KIF26B: variants seen among roughly 807,000 people sequenced by gnomAD.
KIF26B encodes kinesin family member 26B.
KIF26B carries 63 observed loss-of-function variants against 151.2 expected under a neutral mutation model. The observed-to-expected ratio is 0.42, with a 90% confidence interval of 0.34 to 0.51. The LOEUF (loss-of-function observed/expected upper bound fraction) is 0.51, where lower values mean the gene tolerates loss of function less well. Ranked by LOEUF, KIF26B falls within the 20% of genes least tolerant of loss-of-function variation. The pLI, the probability that KIF26B is intolerant of heterozygous loss-of-function variation, is 0.07. For missense variants in KIF26B, 2,813 were observed against 2,913.6 expected (o/e 0.97, Z 0.79); for synonymous variants, 1,357 against 1,262.1 (o/e 1.08, Z -1.59).
intron 2 of KIF26B, among the ~76,000 whole-genome samples, chr1:245,214,755 G>A (rs111861120): frequency 6.2e-4 from 95 of 152,154 alleles, no homozygotes; most frequent in Non-Finnish European, 9.0e-4. Context: ...CAGGAGAATC[G>A]CTTGAACCCA....
chr1:245,231,675 A>G (rs1303740582), intron 2 of KIF26B, among the ~76,000 whole-genome samples: 1 of 152,016 alleles, frequency 6.6e-6, no homozygotes, highest in East Asian at 1.9e-4. Context: ...GATGAGGGAG[A>G]AGGAGGAGGA....
intron 2 of KIF26B, among the ~76,000 whole-genome samples, chr1:245,171,936 A>G (rs1293797865): frequency 6.6e-6 from 1 of 152,232 alleles, no homozygotes; most frequent in African/African-American, 2.4e-5. Flanking sequence ...GTCATTCATT[A>G]AATGTGAGTA....
rs892834816 is a variant in KIF26B, at chr1:245,540,319, G to A, written c.1167-448G>A. On this transcript the variant is annotated intron_variant, in intron 4 of 14. Coordinates refer to ENST00000407071, the MANE Select transcript of KIF26B (RefSeq NM_018012.4). The surrounding 1 kb of genome is among the most constrained non-coding windows in gnomAD (Gnocchi z 4.6). ...CCCTGTACATAGCATGCCTTGACTG[G>A]TCTCCACATCGTTCTTCATCAGACT... Among the ~76,000 whole-genome samples, 3 of 152,118 alleles carry A rather than the reference G, an allele frequency of 2.0e-5. No individual in the cohort carries two copies. The highest frequency in any genetic ancestry group is 4.4e-5 in the Non-Finnish European group (3 of 68,038).
rs2042984269 is a variant in KIF26B, at chr1:245,564,157, C to G, written c.1350+23207C>G. 6.6e-6 allele frequency among the ~76,000 whole-genome samples: 1 copy of G among 152,118 alleles called. No individual in the cohort carries two copies. Among genetic ancestry groups the G allele is most frequent in the Non-Finnish European group, 1.5e-5 (1 of 68,024 alleles). Reference sequence around the variant, plus strand: ...CCCTGTGTTGCAGCCACACTGAAGCCTCAATGTCCCCTAAACATTCCAGAC... The same window carrying G: ...CCCTGTGTTGCAGCCACACTGAAGCGTCAATGTCCCCTAAACATTCCAGAC... On this transcript the variant is annotated intron_variant, in intron 5 of 14. Transcript: ENST00000407071. This position sits in a 1 kb window ranked among gnomAD's most constrained non-coding sequence, Gnocchi z 4.6.
chr1:245,423,162 G>A lies in KIF26B; in HGVS notation c.1166+3417G>A, dbSNP rs184549662. 1.1e-4 allele frequency among the ~76,000 whole-genome samples: 17 copies of A among 151,658 alleles called. No individual in the cohort carries two copies. The East Asian group carries it at 1.9e-3, about 17-fold the overall frequency. The stretch of plus-strand genomic sequence containing the variant: ...CAACAGCTATGCTGGGGGCCATTTC[G>A]TTTTATATGGGAGGGATGGCATTTG... On this transcript the variant is annotated intron_variant, in intron 4 of 14. Transcript: ENST00000407071.
chr1:245,409,640 G>A (rs1572047978), intron 3 of KIF26B, among the ~76,000 whole-genome samples: 1 of 152,196 alleles, frequency 6.6e-6, no homozygotes, highest in East Asian at 1.9e-4. Flanking sequence ...AAAATTTATA[G>A]CCAAAGCAAG....
chr1:245,548,453 G>A (rs60135120), intron 5 of KIF26B, among the ~76,000 whole-genome samples: 4,462 of 152,252 alleles, frequency 0.029, 248 homozygotes, highest in African/African-American at 0.1. Flanking sequence ...CAGGGTGCGA[G>A]TTGTCCCAGG....
In KIF26B at chr1:245,540,528, G is replaced by C; in HGVS notation, c.1167-239G>C. ...TAACACATCATTCTTTGTAAATCGT[G>C]ATTGCAGAATCCTGCTATTTTATGG... On this transcript the variant is annotated intron_variant, in intron 4 of 14. Coordinates refer to ENST00000407071, the MANE Select transcript of KIF26B (RefSeq NM_018012.4). The surrounding 1 kb of genome is among the most constrained non-coding windows in gnomAD (Gnocchi z 4.6). 1 of 691,382 alleles carries C rather than the reference G, an allele frequency of 1.4e-6. No individual in the cohort carries two copies. The highest frequency in any genetic ancestry group is 1.5e-5 in the South Asian group (1 of 66,696). 42.8% of individuals were successfully genotyped at this position (691,382 alleles called of 1,614,324 possible). A position where few individuals can be genotyped will look rare whatever the true frequency, so the allele number is the denominator to read the frequency against.
Position 245,362,779 on chromosome 1 carries a change from C to T in KIF26B, c.466-4055C>T, listed in dbSNP as rs190361775. ...GTGAGCCACGGTGCTCCACCACCTACGTGTCTTCTTGTATTCCTCTTCATG... is the reference window on the plus strand; with the variant it reads ...GTGAGCCACGGTGCTCCACCACCTATGTGTCTTCTTGTATTCCTCTTCATG... On this transcript the variant is annotated intron_variant, in intron 2 of 14. Coordinates refer to ENST00000407071, the MANE Select transcript of KIF26B (RefSeq NM_018012.4). Among the ~76,000 whole-genome samples, 10 of 152,126 alleles carry T rather than the reference C, an allele frequency of 6.6e-5. 1 individual carries two copies. The highest frequency in any genetic ancestry group is 3.3e-4 in the Admixed American group (5 of 15,274).
intron 4 of KIF26B, among the ~76,000 whole-genome samples, chr1:245,441,958 G>A (rs918194995): frequency 6.6e-6 from 1 of 152,218 alleles, no homozygotes; most frequent in African/African-American, 2.4e-5. Context: ...TACTGCAGAG[G>A]CATCTGGCCC....
At chr1:245,278,601 A>G (rs1376646859) in intron 2 of KIF26B, among the ~76,000 whole-genome samples, 1 of 152,144 alleles carries the variant, frequency 6.6e-6, no homozygotes, top group African/African-American at 2.4e-5. Context: ...AATTTGTTAG[A>G]AGGAAAGATG....
intron 12 of KIF26B, among the ~76,000 whole-genome samples, chr1:245,691,808 A>G (rs2044629375): frequency 6.6e-6 from 1 of 152,212 alleles, no homozygotes; most frequent in South Asian, 2.1e-4. Context: ...AACAGCAGAA[A>G]CGACCAAATA....
chr1:245,654,905 G>A (rs748531073), intron 10 of KIF26B, among the ~76,000 whole-genome samples: 1 of 152,266 alleles, frequency 6.6e-6, no homozygotes, highest in African/African-American at 2.4e-5. Flanking sequence ...GAGAATGACG[G>A]CAGGGCTGGC....
chr1:245,335,426 T>G (rs1672200224), intron 2 of KIF26B, among the ~76,000 whole-genome samples: 1 of 152,156 alleles, frequency 6.6e-6, no homozygotes, highest in Non-Finnish European at 1.5e-5. Context: ...GGAGGTTGGT[T>G]TTCTTAGCCT....
chr1:245,259,505 A>T (rs1464198449), intron 2 of KIF26B, among the ~76,000 whole-genome samples: 1 of 152,190 alleles, frequency 6.6e-6, no homozygotes, highest in Non-Finnish European at 1.5e-5. Context: ...GAGCATGCTG[A>T]TACTAAAGAA....
At chr1:245,342,179 C>G (rs1672346985) in intron 2 of KIF26B, among the ~76,000 whole-genome samples, 1 of 152,178 alleles carries the variant, frequency 6.6e-6, no homozygotes, top group Non-Finnish European at 1.5e-5. Flanking sequence ...AGATTGTGCG[C>G]ACATTAGTAG....
Position 245,577,534 on chromosome 1 carries a change from C to T in KIF26B, c.1351-25043C>T, listed in dbSNP as rs72635968. Among the ~76,000 whole-genome samples the T allele has an allele frequency of 0.018, 2,729 of 152,222 alleles. 338 individuals are homozygous for T. The East Asian group carries it at 0.35, about 19-fold the overall frequency. On this transcript the variant is annotated intron_variant, in intron 5 of 14. Transcript: ENST00000407071. ...TGGAAGAGCTTTGTGGAACTCTGGG[C>T]GATGCATCCCCTACATGGAAGAGCT...
chr1:245,515,068 G>A (rs1316928407), intron 4 of KIF26B, among the ~76,000 whole-genome samples: 1 of 152,094 alleles, frequency 6.6e-6, no homozygotes, highest in African/African-American at 2.4e-5. Context: ...GTCAAGACCT[G>A]GGTGTTTGAG....
At chr1:245,188,185 C>T (rs761219124) in intron 2 of KIF26B, among the ~76,000 whole-genome samples, 9 of 143,826 alleles carry the variant, frequency 6.3e-5, no homozygotes, top group Non-Finnish European at 1.0e-4. Flanking sequence ...GAGGCTAAGG[C>T]AGGAGAATCA....
Sources: gnomAD v4.1 joint callset for allele counts (sites outside exome capture counted in the v4.1 genomes callset) on GRCh38, gnomAD v4.1.1 for gene constraint, Gnocchi (gnomAD v3.1) non-coding constraint, MANE v1.5 for transcripts, NCBI Gene and HGNC (gene_info 2026-07-23, HGNC 2026-07-21) for gene names.